Variants in GPT2 observed in about 807,000 individuals in gnomAD.
GPT2 encodes alanine aminotransferase 2.
GPT2 carries 30 observed loss-of-function variants against 56.9 expected under a neutral mutation model. The ratio of observed to expected loss-of-function variants is 0.53; its 90% confidence interval spans 0.39 to 0.72. The LOEUF (loss-of-function observed/expected upper bound fraction) is 0.72, where lower values mean the gene tolerates loss of function less well. GPT2 is among the 30% of genes least tolerant of loss of function. The pLI, the probability that GPT2 is intolerant of heterozygous loss-of-function variation, is 0.00. For synonymous variants in GPT2, 271 were observed against 283.1 expected, an observed-to-expected ratio of 0.96 and a Z score of 0.43; for missense variants, 542 against 703.4, an observed-to-expected ratio of 0.77 and a Z score of 2.60.
rs376011611 is a variant in GPT2, at chr16:46,925,667, A to G, written c.1368+1123A>G. Among the ~76,000 whole-genome samples, 6 of 152,090 alleles carry G rather than the reference A, an allele frequency of 3.9e-5. No homozygotes were observed. In the South Asian group the frequency reaches 1.2e-3, roughly 32 times the overall value. On this transcript the variant is annotated intron_variant, in intron 10 of 11. Transcript: ENST00000340124. ...GCAACATAGTGAAACCCTCTCTACA[A>G]AAAATTTAAAACTTAGCTGGGTGGT...
At chr16:46,914,302 C>T (rs762968760) in intron 6 of GPT2, among the ~76,000 whole-genome samples, 13 of 152,116 alleles carry the variant, frequency 8.5e-5, no homozygotes, top group African/African-American at 2.9e-4. Flanking sequence ...TTTGGGAGGC[C>T]GAGGCGGGTG....
chr16:46,925,987 T>C lies in GPT2; in HGVS notation c.1369-938T>C, dbSNP rs181721820. Among the ~76,000 whole-genome samples the C allele has an allele frequency of 7.5e-4, 114 of 151,102 alleles. No individual in the cohort carries two copies. The Middle Eastern group carries it at 0.031, about 41-fold the overall frequency. ...CTCTAAAAATATAAAAAAAATTAGC[T>C]GGACATGGTGGCCTGCAGTGTAATC... On this transcript the variant is annotated intron_variant, in intron 10 of 11. Transcript: ENST00000340124.
chr16:46,926,864 G>A, intron 10 of GPT2, 61 bp from the exon 11 acceptor site: 1 of 1,136,474 alleles, frequency 8.8e-7, no homozygotes, highest in Non-Finnish European at 1.2e-6. Flanking sequence ...ATTTGGCTTT[G>A]AGGGTTGAAT....
intron 2 of GPT2, among the ~76,000 whole-genome samples, chr16:46,890,512 T>C (rs1474074415): frequency 3.3e-5 from 5 of 152,140 alleles, no homozygotes; most frequent in Non-Finnish European, 7.4e-5. Flanking sequence ...ATTTGTTGAA[T>C]TGGAGGAAAG....
At chr16:46,897,601 G>T in intron 2 of GPT2, 47 bp from the exon 3 acceptor site, 1 of 1,570,124 alleles carries the variant, frequency 6.4e-7, no homozygotes, top group Non-Finnish European at 8.8e-7. Flanking sequence ...TGGAATCCAG[G>T]GTTTAAGAGT....
At chr16:46,885,401 TGG>T in intron 2 of GPT2, 1 of 236,266 alleles carries the variant, frequency 4.2e-6, no homozygotes, top group Non-Finnish European at 5.2e-6. Flanking sequence ...GGAGACGGGG[TGG>T]GGGGGGCTCT....
chr16:46,890,330 CGGGAGCATTTTCACATTGT>C (rs1190886318), intron 2 of GPT2, among the ~76,000 whole-genome samples: 7 of 152,132 alleles, frequency 4.6e-5, no homozygotes, highest in Non-Finnish European at 1.5e-5. Flanking sequence ...ATCAGGAGCC[CGGGAGCATTTTCACATTGT>C]GCTCCTAGGC....
At position 46,899,386 on chromosome 16, in the gene GPT2, G is replaced by A. The variant is rs117385859; in HGVS notation, c.334-1296G>A. Among the ~76,000 whole-genome samples the A allele has an allele frequency of 2.5e-3, 388 of 152,260 alleles. 9 individuals carry two copies. The East Asian group carries it at 0.064, about 25-fold the overall frequency. The stretch of plus-strand genomic sequence containing the variant: ...GGGCTAGGGCCATCAGGGAGGTTGA[G>A]CCCCAAGAACACCAGTTCCCTGTTC... On this transcript the variant is annotated intron_variant, in intron 3 of 11. Coordinates refer to ENST00000340124, the MANE Select transcript of GPT2 (RefSeq NM_133443.4).
At chr16:46,899,031 A>G (rs1436906876) in intron 3 of GPT2, among the ~76,000 whole-genome samples, 2 of 80,054 alleles carry the variant, frequency 2.5e-5, no homozygotes, top group African/African-American at 1.8e-4. Context: ...ATATATATAT[A>G]TATATTTTTT....
intron 11 of GPT2, among the ~76,000 whole-genome samples, chr16:46,928,174 A>T (rs1049603279): frequency 6.6e-6 from 1 of 152,028 alleles, no homozygotes; most frequent in African/African-American, 2.4e-5. Context: ...AAAATTGTTT[A>T]AAAACTAGCC....
At chr16:46,927,134 G>T in intron 11 of GPT2, 97 bp downstream of exon 11, 1 of 707,972 alleles carries the variant, frequency 1.4e-6, no homozygotes, top group Non-Finnish European at 2.3e-6. Context: ...AAAGAGAGAG[G>T]TGCGGAGACC....
At chr16:46,915,511 CCTA>C (rs1340817229) in intron 6 of GPT2, 3 of 149,970 alleles carry the variant, frequency 2.0e-5, no homozygotes, top group Admixed American at 1.3e-4. Context: ...CCCCAACACA[CCTA>C]CACACACACC....
chr16:46,901,238 G>C (rs532842287), intron 4 of GPT2, among the ~76,000 whole-genome samples: 1 of 152,270 alleles, frequency 6.6e-6, no homozygotes, highest in Non-Finnish European at 1.5e-5. Flanking sequence ...AAGCACCTTG[G>C]GACCCCTCCA....
intron 2 of GPT2, among the ~76,000 whole-genome samples, chr16:46,891,215 T>C (rs1422190299): frequency 1.3e-5 from 2 of 151,932 alleles, no homozygotes; most frequent in Non-Finnish European, 2.9e-5. Flanking sequence ...TGCTGTACAT[T>C]AGATCCCCAT....
chr16:46,890,105 T>C (rs1221039339), intron 2 of GPT2, among the ~76,000 whole-genome samples: 1 of 152,250 alleles, frequency 6.6e-6, no homozygotes, highest in African/African-American at 2.4e-5. Flanking sequence ...CCCTGGAGGC[T>C]CTTGCCTGCA....
intron 10 of GPT2, among the ~76,000 whole-genome samples, chr16:46,925,382 C>T (rs1350867695): frequency 3.3e-5 from 5 of 152,122 alleles, no homozygotes; most frequent in African/African-American, 1.2e-4. Context: ...CCATAACACC[C>T]GGATAATTTT....
chr16:46,922,435 G>A lies in GPT2; in HGVS notation c.1212+19G>A, dbSNP rs367891592. 119 of 1,584,750 alleles carry A rather than the reference G, an allele frequency of 7.5e-5. No homozygotes were observed. The highest frequency in any genetic ancestry group is 4.6e-4 in the African/African-American group (34 of 74,158). On this transcript the variant is annotated intron_variant, in intron 9 of 11. Transcript: ENST00000340124. ...CAGCCGAGTGAGTCCACTGTGATGC[G>A]TCTGCACCCCTGTGGCCGGGGTCAC...
At chr16:46,895,532 A>C (rs548142865) in intron 2 of GPT2, among the ~76,000 whole-genome samples, 159 of 152,128 alleles carry the variant, frequency 1.0e-3, no homozygotes, top group African/African-American at 2.8e-3. Flanking sequence ...CTCAAAAAAA[A>C]AACAACAAAA....
In GPT2 at chr16:46,929,947, C is replaced by G. The variant is rs1287123382; in HGVS notation, c.*950C>G. ...GCTGAAAATATCCTCCCCACAAGGG[C>G]AATCCCCGGGACCTGCCGAGCAGCC... On this transcript the variant is annotated 3_prime_UTR_variant, in exon 12 of 12. Transcript: ENST00000340124. 6.6e-6 allele frequency: 1 copy of G among 152,650 alleles called. No individual in the cohort carries two copies. The highest frequency in any genetic ancestry group is 1.9e-4 in the East Asian group (1 of 5,200). 9.5% of individuals were successfully genotyped at this position (152,650 alleles called of 1,614,324 possible).
Sources: gnomAD v4.1 joint callset for allele counts (sites outside exome capture counted in the v4.1 genomes callset) on GRCh38, gnomAD v4.1.1 for gene constraint, MANE v1.5 for transcripts, NCBI Gene and HGNC (gene_info 2026-07-23, HGNC 2026-07-21) for gene names.